DGUOK: variants seen among roughly 807,000 people sequenced by gnomAD.
DGUOK encodes deoxyguanosine kinase, mitochondrial.
Under a neutral mutation model 36.6 loss-of-function variants are expected in DGUOK, and 30 were observed. The ratio of observed to expected loss-of-function variants is 0.82; its 90% CI spans 0.61 to 1.11. The LOEUF (loss-of-function observed/expected upper bound fraction) is 1.11, where lower values mean the gene tolerates loss of function less well. DGUOK is among the 50% of genes most tolerant of loss of function. The pLI is 0.00. For synonymous variants in DGUOK, 145 were observed against 126.3 expected, an observed-to-expected ratio of 1.15 and a Z score of -0.99; for missense variants, 361 against 336.4, an observed-to-expected ratio of 1.07 and a Z score of -0.57.
intron 1 of DGUOK, among the ~76,000 whole-genome samples, chr2:73,938,553 T>C (rs1681651295): frequency 6.6e-6 from 1 of 152,228 alleles, no homozygotes; most frequent in South Asian, 2.1e-4. Flanking sequence ...AATTTTACAC[T>C]GTCACAGTAC....
At chr2:73,934,754 C>A (rs368848684) in intron 1 of DGUOK, among the ~76,000 whole-genome samples, 81 of 122,064 alleles carry the variant, frequency 6.6e-4, no homozygotes, top group African/African-American at 6.9e-4. Context: ...GACTCTGTCT[C>A]AAAAAAAAAA....
intron 6 of DGUOK, 115 bp from the exon 7 acceptor site, chr2:73,958,595 A>G (rs750119144): frequency 1.4e-5 from 12 of 885,502 alleles, no homozygotes; most frequent in Non-Finnish European, 2.3e-5. Flanking sequence ...CATGCCTATT[A>G]TTTTCCTTTC....
chr2:73,938,157 G>A (rs1681614406), intron 1 of DGUOK, among the ~76,000 whole-genome samples: 1 of 152,098 alleles, frequency 6.6e-6, no homozygotes, highest in African/African-American at 2.4e-5. Context: ...TTCTTCTAGG[G>A]CCTCAAACTT....
intron 1 of DGUOK, chr2:73,932,515 G>A: frequency 1.3e-6 from 1 of 757,334 alleles, no homozygotes; most frequent in Non-Finnish European, 2.0e-6. Context: ...TGATATCCAT[G>A]TGGAAGTTAG....
At chr2:73,955,863 ACT>A (rs1274402263) in intron 4 of DGUOK, among the ~76,000 whole-genome samples, 2 of 151,890 alleles carry the variant, frequency 1.3e-5, no homozygotes, top group Admixed American at 6.6e-5. Context: ...ACAGAGCAAG[ACT>A]CTGTCTCAAA....
At chr2:73,949,565 G>A (rs918989874) in intron 3 of DGUOK, among the ~76,000 whole-genome samples, 1 of 152,212 alleles carries the variant, frequency 6.6e-6, no homozygotes, top group Non-Finnish European at 1.5e-5. Context: ...TACATAGCTA[G>A]TGAATGTTTC....
In DGUOK at chr2:73,926,919, G is replaced by C. The variant is rs1306395752; in HGVS notation, c.9G>C (p.Ala3=). The part of the protein sequence containing the change: MA[A]GRLFLSRLRA... ...TGTGAATCGTGGGTGGGATGGCCGC[G>C]GGCCGCCTCTTTCTAAGTCGGCTTC... The change falls in exon 1 of 7, where the codon GCG becomes GCC. Residue 3 remains alanine, a synonymous_variant. Transcript: ENST00000264093. The C allele has an allele frequency of 6.2e-7, 1 of 1,613,320 alleles. No homozygotes were observed. The highest frequency in any genetic ancestry group is 8.5e-7 in the Non-Finnish European group (1 of 1,180,038).
intron 3 of DGUOK, chr2:73,947,568 G>C (rs1682425457): frequency 6.3e-6 from 1 of 158,488 alleles, no homozygotes; most frequent in Admixed American, 6.0e-5. Flanking sequence ...AAGTCACTTT[G>C]AATGCAAGCT....
At chr2:73,931,731 C>T (rs527667768) in intron 1 of DGUOK, among the ~76,000 whole-genome samples, 1 of 152,322 alleles carries the variant, frequency 6.6e-6, no homozygotes, top group Non-Finnish European at 1.5e-5. Flanking sequence ...CCCATAGTGC[C>T]TTGCATCCAG....
At chr2:73,935,628 A>G (rs1573518130) in intron 1 of DGUOK, among the ~76,000 whole-genome samples, 1 of 152,184 alleles carries the variant, frequency 6.6e-6, no homozygotes, top group Non-Finnish European at 1.5e-5. Flanking sequence ...TTCCAGTGGA[A>G]TTAGTTTAAG....
intron 3 of DGUOK, among the ~76,000 whole-genome samples, chr2:73,948,816 C>T (rs2104954201): frequency 6.6e-6 from 1 of 152,324 alleles, no homozygotes; most frequent in African/African-American, 2.4e-5. Context: ...ACTTCCCTCC[C>T]ACTCAGCACC....
intron 1 of DGUOK, among the ~76,000 whole-genome samples, chr2:73,929,053 G>A (rs1373238023): frequency 6.6e-6 from 1 of 152,180 alleles, no homozygotes; most frequent in African/African-American, 2.4e-5. Context: ...TTTGACTTGA[G>A]TACTTGAAAG....
chr2:73,940,425 T>C (rs1325754435), intron 2 of DGUOK, among the ~76,000 whole-genome samples: 1 of 152,242 alleles, frequency 6.6e-6, no homozygotes, highest in Admixed American at 6.5e-5. Flanking sequence ...CAACCCAGAA[T>C]TGTGTTACCT....
chr2:73,948,297 A>G (rs1682477312), intron 3 of DGUOK, among the ~76,000 whole-genome samples: 1 of 152,216 alleles, frequency 6.6e-6, no homozygotes. Flanking sequence ...CTCAGAGGAA[A>G]ATAGAGAAGT....
chr2:73,927,943 A>G (rs905708155), intron 1 of DGUOK, among the ~76,000 whole-genome samples: 4 of 152,198 alleles, frequency 2.6e-5, no homozygotes, highest in African/African-American at 9.7e-5. Flanking sequence ...CCACTTCCAT[A>G]TGCCAGCACT....
rs558069137 is a variant in DGUOK at position 73,936,947 on chromosome 2, T to G, written c.143-1963T>G. Among the ~76,000 whole-genome samples the G allele has an allele frequency of 1.1e-4, 16 of 152,118 alleles. 1 individual carries two copies. The highest frequency in any genetic ancestry group is 2.1e-4 in the Non-Finnish European group (14 of 68,016). ...ACAGGAGGTTCATCTAAACAGAACC[T>G]TGAGGATTGAGTAAGAGTTGGTCAG... On this transcript the variant is annotated intron_variant, in intron 1 of 6. Coordinates refer to ENST00000264093, the MANE Select transcript of DGUOK (RefSeq NM_080916.3).
At chr2:73,932,691 T>C in intron 1 of DGUOK, 3 of 1,267,848 alleles carry the variant, frequency 2.4e-6, no homozygotes, top group Non-Finnish European at 3.1e-6. Flanking sequence ...TGGGTATGTT[T>C]AGAGGGCTTT....
At chr2:73,955,514 A>G (rs963449676) in intron 4 of DGUOK, among the ~76,000 whole-genome samples, 2 of 152,202 alleles carry the variant, frequency 1.3e-5, no homozygotes, top group African/African-American at 2.4e-5. Context: ...AAGACTCCCA[A>G]GTCTTTGGGA....
intron 2 of DGUOK, among the ~76,000 whole-genome samples, chr2:73,941,752 C>T (rs960072765): frequency 4.6e-5 from 7 of 151,946 alleles, no homozygotes; most frequent in Admixed American, 3.9e-4. Flanking sequence ...TAATATAAAG[C>T]CATGTTTTGT....
Sources: gnomAD v4.1 joint callset for allele counts (sites outside exome capture counted in the v4.1 genomes callset) on GRCh38, gnomAD v4.1.1 for gene constraint, MANE v1.5 for transcripts, NCBI Gene and HGNC (gene_info 2026-07-23, HGNC 2026-07-21) for gene names.